TBX5: variants seen among roughly 807,000 people sequenced by gnomAD.
TBX5 encodes T-box transcription factor 5.
In TBX5, 8 loss-of-function variants were observed where a neutral mutation model predicts 51.1. The ratio of observed to expected loss-of-function variants is 0.16; its 90% confidence interval spans 0.09 to 0.28. The LOEUF is 0.28. Ranked by LOEUF, TBX5 falls within the 10% of genes least tolerant of loss-of-function variation. The pLI is 1.00. For synonymous variants in TBX5, 302 were observed against 266.4 expected, an observed-to-expected ratio of 1.13 and a Z score of -1.30; for missense variants, 589 against 671.7, an observed-to-expected ratio of 0.88 and a Z score of 1.36.
chr12:114,366,490 A>G, intron 7 of TBX5, 99 bp from the exon 8 acceptor site: 1 of 1,182,098 alleles, frequency 8.5e-7, no homozygotes, highest in Non-Finnish European at 1.3e-6. Flanking sequence ...GAAAAGTCAC[A>G]GAATAAGGAA....
Position 114,385,502 on chromosome 12 carries a change from C to A in TBX5, c.729G>T (p.Glu243Asp), listed in dbSNP as rs186183947. The change falls in exon 7 of 9, where the codon GAG (glutamate) becomes GAT (aspartate). Residue 243 changes from glutamate (E) to aspartate (D), a missense_variant. By Grantham distance (45) the Glu-to-Asp change is conservative. This residue lies in a region of TBX5 where 348 missense variants were observed against 360.4 expected (regional missense o/e 0.97). Coordinates refer to ENST00000405440, the MANE Select transcript of TBX5 (RefSeq NM_181486.4). Reference protein sequence around the residue: ...AKGFRGSDDMELHRMSRMQSK... With the variant: ...AKGFRGSDDMDLHRMSRMQSK... ...TTTGCATTCTTGACATTCTGTGCAG[C>A]TCCATGTCATCACTGCCCCGAAATC... is the stretch of plus-strand genomic sequence containing the variant. The A allele has an allele frequency of 4.3e-5, 70 of 1,614,174 alleles. No homozygotes were observed. The East Asian group carries it at 1.2e-3, about 27-fold the overall frequency.
chr12:114,394,050 T>TAATA (rs1206812170), intron 6 of TBX5, among the ~76,000 whole-genome samples: 1 of 152,232 alleles, frequency 6.6e-6, no homozygotes, highest in African/African-American at 2.4e-5. Flanking sequence ...CTCATGCCTG[T>TAATA]AATACCAACG....
At chr12:114,370,268 G>GAAAAGAA in intron 7 of TBX5, among the ~76,000 whole-genome samples, 1 of 63,528 alleles carries the variant, frequency 1.6e-5, no homozygotes, top group Non-Finnish European at 3.9e-5. Context: ...GAAAAGAAAA[G>GAAAAGAA]AAAAGAAAAG....
At chr12:114,385,385 TG>T in intron 7 of TBX5, 90 bp downstream of exon 7, 1 of 1,063,258 alleles carries the variant, frequency 9.4e-7, no homozygotes, top group Non-Finnish European at 1.5e-6. Flanking sequence ...GCAGGAAGGC[TG>T]GTGGAGGGAG....
At chr12:114,366,142 TGA>T in intron 8 of TBX5, 21 bp downstream of exon 8, 1 of 1,612,482 alleles carries the variant, frequency 6.2e-7, no homozygotes, top group Middle Eastern at 1.7e-4. Flanking sequence ...GAAAGCAAAT[TGA>T]CCAGGGGTGA....
intron 1 of TBX5, 79 bp downstream of exon 1, chr12:114,405,549 C>A: frequency 4.2e-6 from 1 of 238,248 alleles, no homozygotes; most frequent in Non-Finnish European, 6.8e-6. Context: ...GGGCTGGAAT[C>A]CGCCATTCCC....
upstream of TBX5, chr12:114,407,696 A>G: frequency 2.2e-6 from 2 of 898,608 alleles, no homozygotes; most frequent in Non-Finnish European, 2.7e-6. Context: ...TTCGTTCATG[A>G]GAAGTAGCAG....
intron 6 of TBX5, among the ~76,000 whole-genome samples, chr12:114,389,753 C>CAAAAAAAAAAAAAAAAAAAA: frequency 2.5e-5 from 1 of 40,244 alleles, no homozygotes; most frequent in Non-Finnish European, 4.4e-5. Flanking sequence ...GACTCCGTCT[C>CAAAAAAAAAAAAAAAAAAAA]AAAAAAAAAA....
chr12:114,378,646 T>C (rs1870336977), intron 7 of TBX5, among the ~76,000 whole-genome samples: 1 of 152,162 alleles, frequency 6.6e-6, no homozygotes, highest in Admixed American at 6.5e-5. Flanking sequence ...TTTTGTTTTG[T>C]TTTTTTCGAG....
intron 5 of TBX5, among the ~76,000 whole-genome samples, chr12:114,396,135 G>A (rs1871405278): frequency 6.6e-6 from 1 of 152,086 alleles, no homozygotes; most frequent in Admixed American, 6.5e-5. Flanking sequence ...GGTAGTTGGG[G>A]GAGGCGAGCC....
intron 8 of TBX5, among the ~76,000 whole-genome samples, chr12:114,358,778 TTTGTTTG>T (rs1423007418): frequency 2.6e-3 from 108 of 40,976 alleles, no homozygotes; most frequent in African/African-American, 0.011. Flanking sequence ...CGGGGTTTTT[TTTGTTTG>T]TTTGTTTGTT....
At chr12:114,389,409 T>C (rs542133386) in intron 6 of TBX5, among the ~76,000 whole-genome samples, 7 of 152,256 alleles carry the variant, frequency 4.6e-5, no homozygotes, top group Admixed American at 1.3e-4. Context: ...CAGTTGACCA[T>C]AAATCATCTC....
chr12:114,366,660 A>C (rs943483254), intron 7 of TBX5, among the ~76,000 whole-genome samples: 3 of 152,216 alleles, frequency 2.0e-5, no homozygotes, highest in East Asian at 3.9e-4. Flanking sequence ...AAACACCCCC[A>C]GTTAAGAACC....
intron 8 of TBX5, among the ~76,000 whole-genome samples, chr12:114,360,422 G>A (rs927282249): frequency 6.6e-6 from 1 of 151,470 alleles, no homozygotes; most frequent in African/African-American, 2.4e-5. Flanking sequence ...ATGAGTGGGA[G>A]GATTGGTGGA....
At chr12:114,379,068 G>A (rs1019828966) in intron 7 of TBX5, among the ~76,000 whole-genome samples, 1 of 152,306 alleles carries the variant, frequency 6.6e-6, no homozygotes. Flanking sequence ...TCCAAAAGCA[G>A]CATCAACTGT....
At chr12:114,401,700 C>G (rs1048667256) in intron 3 of TBX5, 126 bp downstream of exon 3, 3 of 834,760 alleles carry the variant, frequency 3.6e-6, no homozygotes, top group Non-Finnish European at 4.0e-6. Flanking sequence ...TCTCCTTTCT[C>G]TTCTTTCTCT....
chr12:114,399,758 T>TC, intron 3 of TBX5, 126 bp from the exon 4 acceptor site: 1 of 1,454,390 alleles, frequency 6.9e-7, no homozygotes, highest in South Asian at 1.2e-5. Context: ...CTAGCCCCGT[T>TC]CCGCTCTCCG....
rs752606041 is a variant in TBX5 at position 114,394,725 on chromosome 12, T to G, written c.663+16A>C. 6.2e-7 allele frequency: 1 copy of G among 1,614,018 alleles called. No homozygotes were observed. The highest frequency in any genetic ancestry group is 1.7e-5 in the Admixed American group (1 of 60,018). On this transcript the variant is annotated intron_variant, in intron 6 of 8. Coordinates refer to ENST00000405440, the MANE Select transcript of TBX5 (RefSeq NM_181486.4). Reference sequence around the variant, plus strand: ...GCAGACGGCCCCAGGCACTGGTTCCTGGGCTTCAGGCTTACCTTGTGGTTC... The same window carrying G: ...GCAGACGGCCCCAGGCACTGGTTCCGGGGCTTCAGGCTTACCTTGTGGTTC...
intron 7 of TBX5, among the ~76,000 whole-genome samples, chr12:114,368,612 AC>A (rs1340359694): frequency 6.6e-6 from 1 of 152,164 alleles, no homozygotes; most frequent in Non-Finnish European, 1.5e-5. Context: ...TTTCCTCATA[AC>A]TTTTGCATTG....
Sources: gnomAD v4.1 joint callset for allele counts (sites outside exome capture counted in the v4.1 genomes callset) on GRCh38, gnomAD v4.1.1 for gene constraint, gnomAD v4.1.1 regional missense constraint, MANE v1.5 for transcripts, NCBI Gene and HGNC (gene_info 2026-07-23, HGNC 2026-07-21) for gene names.